C1orf21: variants seen among roughly 807,000 people sequenced by gnomAD.
C1orf21 encodes the protein chromosome 1 open reading frame 21.
C1orf21 carries 3 observed loss-of-function variants against 18.7 expected under a neutral mutation model. The ratio of observed to expected loss-of-function variants is 0.16; its 90% CI spans 0.07 to 0.42. The LOEUF (loss-of-function observed/expected upper bound fraction) is 0.42, where lower values mean the gene tolerates loss of function less well. Ranked by LOEUF, C1orf21 falls within the 10% of genes least tolerant of loss-of-function variation. The probability of loss-of-function intolerance (pLI) is 0.99; values close to 1 mark genes in which losing one functional copy is unlikely to be tolerated. For missense variants in C1orf21, 104 were observed against 143.6 expected (o/e 0.72, Z 1.41); for synonymous variants, 41 against 46.4 (o/e 0.88, Z 0.47).
At chr1:184,452,648 C>T (rs1274303920) in intron 1 of C1orf21, among the ~76,000 whole-genome samples, 1 of 152,170 alleles carries the variant, frequency 6.6e-6, no homozygotes, top group Non-Finnish European at 1.5e-5. Context: ...TGGCTCAGAA[C>T]AAACTTTGAT....
intron 1 of C1orf21, among the ~76,000 whole-genome samples, chr1:184,396,058 A>C (rs1218646652): frequency 6.6e-6 from 1 of 152,178 alleles, no homozygotes; most frequent in East Asian, 1.9e-4. Context: ...GAAGAAATGT[A>C]ATGACGTGGA....
intron 4 of C1orf21, among the ~76,000 whole-genome samples, chr1:184,593,824 G>C (rs111396052): frequency 6.6e-6 from 1 of 152,202 alleles, no homozygotes; most frequent in Non-Finnish European, 1.5e-5. Flanking sequence ...GCAGCAATGC[G>C]CAATATTGAA....
chr1:184,518,419 G>C (rs190093643), intron 3 of C1orf21, among the ~76,000 whole-genome samples: 7 of 152,282 alleles, frequency 4.6e-5, no homozygotes, highest in Non-Finnish European at 1.0e-4. Flanking sequence ...TGGAAACAAA[G>C]TTATGGCACA....
intron 2 of C1orf21, among the ~76,000 whole-genome samples, chr1:184,490,810 C>G (rs1490499329): frequency 6.6e-6 from 1 of 151,716 alleles, no homozygotes; most frequent in Admixed American, 6.6e-5. Context: ...GTAGATGAGA[C>G]CGTTTACCAG....
At chr1:184,404,889 C>A (rs1458461106) in intron 1 of C1orf21, among the ~76,000 whole-genome samples, 1 of 152,104 alleles carries the variant, frequency 6.6e-6, no homozygotes, top group Admixed American at 6.5e-5. Context: ...CAGAGAGAGA[C>A]CTGCTTGGAT....
intron 1 of C1orf21, among the ~76,000 whole-genome samples, chr1:184,438,786 G>T (rs1656900113): frequency 6.6e-6 from 1 of 152,130 alleles, no homozygotes; most frequent in African/African-American, 2.4e-5. Flanking sequence ...CTGGTAGAGA[G>T]CCCATGAAAA....
chr1:184,392,541 A>G (rs1655984023), intron 1 of C1orf21, among the ~76,000 whole-genome samples: 1 of 152,142 alleles, frequency 6.6e-6, no homozygotes, highest in African/African-American at 2.4e-5. Flanking sequence ...CTTCACCACT[A>G]CACAATATAT....
chr1:184,467,038 A>G (rs185109224), intron 1 of C1orf21, among the ~76,000 whole-genome samples: 79 of 152,296 alleles, frequency 5.2e-4, no homozygotes, highest in African/African-American at 1.9e-3. Flanking sequence ...TATATACTAA[A>G]CATAATTTAA....
intron 3 of C1orf21, among the ~76,000 whole-genome samples, chr1:184,554,610 A>G (rs1462414127): frequency 6.6e-6 from 1 of 152,238 alleles, no homozygotes; most frequent in African/African-American, 2.4e-5. Context: ...TGATGGTTTT[A>G]ACCCCATCTC....
chr1:184,460,704 CTCT>C (rs1657295146), intron 1 of C1orf21, among the ~76,000 whole-genome samples: 1 of 101,500 alleles, frequency 9.9e-6, no homozygotes, highest in Non-Finnish European at 2.0e-5. Flanking sequence ...TTCTTTTTTT[CTCT>C]TCTTCCTTTT....
At chr1:184,465,324 A>G (rs1657373643) in intron 1 of C1orf21, among the ~76,000 whole-genome samples, 1 of 152,226 alleles carries the variant, frequency 6.6e-6, no homozygotes, top group Non-Finnish European at 1.5e-5. Context: ...AAAAGCCAGT[A>G]GGGTCATCCT....
chr1:184,556,726 A>G (rs1658884616), intron 3 of C1orf21, among the ~76,000 whole-genome samples: 1 of 152,218 alleles, frequency 6.6e-6, no homozygotes, highest in Non-Finnish European at 1.5e-5. Flanking sequence ...TGATATCTGT[A>G]TCATATGACC....
At chr1:184,581,682 C>A (rs566071436) in intron 3 of C1orf21, among the ~76,000 whole-genome samples, 2 of 152,210 alleles carry the variant, frequency 1.3e-5, no homozygotes, top group South Asian at 2.1e-4. Flanking sequence ...GACTTAATGA[C>A]TTTTAATAAA....
chr1:184,460,693 T>C (rs1163357041), intron 1 of C1orf21, among the ~76,000 whole-genome samples: 1 of 147,636 alleles, frequency 6.8e-6, no homozygotes, highest in African/African-American at 2.5e-5. Flanking sequence ...TTCTTTCTTC[T>C]TTCTTTTTTT....
chr1:184,546,590 A>G (rs1658731145), intron 3 of C1orf21, among the ~76,000 whole-genome samples: 1 of 152,244 alleles, frequency 6.6e-6, no homozygotes, highest in Non-Finnish European at 1.5e-5. Context: ...CATAGATATC[A>G]ATGACTACAG....
At chr1:184,521,629 G>A (rs958116450) in intron 3 of C1orf21, among the ~76,000 whole-genome samples, 6 of 152,152 alleles carry the variant, frequency 3.9e-5, no homozygotes, top group Admixed American at 2.0e-4. Context: ...AAGCACAGAG[G>A]ATTTTTCTTT....
At chr1:184,420,297 G>A (rs190752850) in intron 1 of C1orf21, among the ~76,000 whole-genome samples, 4 of 151,666 alleles carry the variant, frequency 2.6e-5, no homozygotes, top group South Asian at 4.2e-4. Flanking sequence ...TTACTTTTGT[G>A]GGGGGGTGGG....
Position 184,477,390 on chromosome 1 carries a change from A to C in C1orf21, c.-120A>C. On this transcript the variant is annotated 5_prime_UTR_variant, in exon 2 of 6. Coordinates refer to ENST00000235307, the MANE Select transcript of C1orf21 (RefSeq NM_030806.4). ...TCTAGCTTTCTTTTCTTGCAGGTGCACACATCTTGACCAACTCAGCAGCAA... is the reference window on the plus strand; with the variant it reads ...TCTAGCTTTCTTTTCTTGCAGGTGCCCACATCTTGACCAACTCAGCAGCAA... The C allele has an allele frequency of 5.6e-6, 4 of 715,422 alleles. No homozygotes were observed. Among genetic ancestry groups the C allele is most frequent in the South Asian group, 1.9e-5 (1 of 53,544 alleles). The allele number at this position is 715,422 out of a possible 1,614,324, so 44.3% of individuals were successfully genotyped here. A position where few individuals can be genotyped will look rare whatever the true frequency, so the allele number is the denominator to read the frequency against.
intron 1 of C1orf21, among the ~76,000 whole-genome samples, chr1:184,407,794 A>G (rs1005588014): frequency 1.3e-5 from 2 of 152,222 alleles, no homozygotes; most frequent in Non-Finnish European, 1.5e-5. Context: ...GATGAACAAT[A>G]TATTTGAATA....
Sources: allele counts gnomAD v4.1 joint callset (sites outside exome capture counted in the v4.1 genomes callset), GRCh38; gene constraint gnomAD v4.1.1; transcripts MANE v1.5; gene names NCBI Gene and HGNC (gene_info 2026-07-23, HGNC 2026-07-21).